The following CD2AP variants were observed in gnomAD, a reference collection of about 807,000 sequenced individuals.
CD2AP encodes the protein CD2-associated protein.
Under a neutral mutation model 85.1 loss-of-function variants are expected in CD2AP, and 46 were observed. The ratio of observed to expected loss-of-function variants is 0.54; its 90% CI spans 0.43 to 0.69. The LOEUF is 0.69. Ranked by LOEUF, CD2AP falls within the 30% of genes least tolerant of loss-of-function variation. The pLI is 0.00. For missense variants in CD2AP, 769 were observed against 729.5 expected, an observed-to-expected ratio of 1.05 and a Z score of -0.62; for synonymous variants, 255 against 252.9, an observed-to-expected ratio of 1.01 and a Z score of -0.08.
intron 2 of CD2AP, among the ~76,000 whole-genome samples, chr6:47,532,374 TATACACACACACAC>T (rs1434247827): frequency 1.0e-4 from 12 of 118,666 alleles, no homozygotes; most frequent in Non-Finnish European, 2.0e-4. Flanking sequence ...TATATATATG[TATACACACACACAC>T]ACACACACAC....
At chr6:47,572,354 T>G (rs1450810175) in intron 5 of CD2AP, among the ~76,000 whole-genome samples, 1 of 152,232 alleles carries the variant, frequency 6.6e-6, no homozygotes, top group South Asian at 2.1e-4. Context: ...TGTCAAACAT[T>G]ACTGAAATGC....
intron 3 of CD2AP, 22 bp from the exon 4 acceptor site, chr6:47,544,584 C>G (rs773094755): frequency 9.9e-6 from 14 of 1,419,910 alleles, no homozygotes; most frequent in Non-Finnish European, 1.3e-5. Context: ...AATCTAATTT[C>G]TTATTATGTT....
At chr6:47,488,791 T>A (rs1765642500) in intron 1 of CD2AP, among the ~76,000 whole-genome samples, 1 of 151,334 alleles carries the variant, frequency 6.6e-6, no homozygotes, top group African/African-American at 2.4e-5. Flanking sequence ...CTTGGGAGGC[T>A]GAGGTGAGAG....
chr6:47,522,432 T>C (rs748807951), intron 2 of CD2AP, among the ~76,000 whole-genome samples: 2 of 152,206 alleles, frequency 1.3e-5, no homozygotes, highest in South Asian at 2.1e-4. Context: ...GTTACTGTTA[T>C]AATGTTTTTA....
intron 4 of CD2AP, chr6:47,544,980 A>G (rs942503586): frequency 9.9e-5 from 29 of 294,114 alleles, no homozygotes; most frequent in African/African-American, 3.9e-4. Flanking sequence ...TGAATTTACC[A>G]TAGGCAAAAA....
At chr6:47,502,825 G>C (rs868280338) in intron 1 of CD2AP, among the ~76,000 whole-genome samples, 1 of 151,972 alleles carries the variant, frequency 6.6e-6, no homozygotes, top group Non-Finnish European at 1.5e-5. Flanking sequence ...TGTCTGCCTC[G>C]GCCTCCCAAA....
chr6:47,566,033 G>T (rs1380195994), intron 5 of CD2AP, among the ~76,000 whole-genome samples: 7 of 151,876 alleles, frequency 4.6e-5, no homozygotes, highest in Non-Finnish European at 1.0e-4. Flanking sequence ...AAGGATGTTA[G>T]GAACATTCCT....
chr6:47,626,932 A>G lies in CD2AP; in HGVS notation c.*2705A>G, dbSNP rs775329134. The G allele has an allele frequency of 4.6e-5, 7 of 152,474 alleles. No individual in the cohort carries two copies. The highest frequency in any genetic ancestry group is 8.8e-5 in the Non-Finnish European group (6 of 67,924). 9.4% of individuals were successfully genotyped at this position (152,474 alleles called of 1,614,324 possible). On this transcript the variant is annotated 3_prime_UTR_variant, in exon 18 of 18. Transcript: ENST00000359314. ...AAATCATATTTTAAAAGTTGCTGCT[A>G]TGAATATTTTTGGCTATAAAATTTT...
chr6:47,581,581 C>CT (rs1407032562), intron 10 of CD2AP, among the ~76,000 whole-genome samples: 1 of 152,054 alleles, frequency 6.6e-6, no homozygotes, highest in Non-Finnish European at 1.5e-5. Flanking sequence ...TTTTATATAG[C>CT]TTTACTCTTC....
intron 5 of CD2AP, among the ~76,000 whole-genome samples, chr6:47,559,367 T>G (rs1767788685): frequency 6.6e-6 from 1 of 151,906 alleles, no homozygotes; most frequent in Non-Finnish European, 1.5e-5. Context: ...CAAGTGATCC[T>G]TCTGCCTCAG....
chr6:47,497,703 A>G (rs554204855), intron 1 of CD2AP, among the ~76,000 whole-genome samples: 1 of 152,266 alleles, frequency 6.6e-6, no homozygotes, highest in African/African-American at 2.4e-5. Flanking sequence ...TGTGAGCTGC[A>G]ACTGCACCCG....
chr6:47,484,980 C>T (rs752226385), intron 1 of CD2AP, among the ~76,000 whole-genome samples: 1 of 152,116 alleles, frequency 6.6e-6, no homozygotes, highest in Non-Finnish European at 1.5e-5. Flanking sequence ...GTAGCCATCC[C>T]ACACTATAGT....
At position 47,624,536 on chromosome 6, in the gene CD2AP, T is replaced by C; in HGVS notation, c.*309T>C. 3.2e-6 allele frequency: 1 copy of C among 308,468 alleles called. No individual in the cohort carries two copies. Among genetic ancestry groups the C allele is most frequent in the Non-Finnish European group, 6.0e-6 (1 of 165,590 alleles). The allele number at this position is 308,468 out of a possible 1,614,324, so 19.1% of individuals were successfully genotyped here. A position where few individuals can be genotyped will look rare whatever the true frequency, so the allele number is the denominator to read the frequency against. On this transcript the variant is annotated 3_prime_UTR_variant, in exon 18 of 18. Transcript: ENST00000359314. Reference sequence around the variant, plus strand: ...ACAGTAGTTTTTTTATTGAAACTTGTATTATTTTTAAAGAGATCTATACTA... The same window carrying C: ...ACAGTAGTTTTTTTATTGAAACTTGCATTATTTTTAAAGAGATCTATACTA...
intron 1 of CD2AP, among the ~76,000 whole-genome samples, chr6:47,487,831 A>T (rs1428900224): frequency 6.6e-6 from 1 of 152,142 alleles, no homozygotes; most frequent in African/African-American, 2.4e-5. Flanking sequence ...TAACACTTGT[A>T]TTGACTAGCA....
chr6:47,562,327 G>GA (rs991403655), intron 5 of CD2AP, among the ~76,000 whole-genome samples: 28 of 151,956 alleles, frequency 1.8e-4, no homozygotes, highest in Admixed American at 7.2e-4. Flanking sequence ...AAAGTGACAG[G>GA]AAAAAATGTT....
At chr6:47,553,597 C>T (rs925946513) in intron 4 of CD2AP, among the ~76,000 whole-genome samples, 2 of 149,966 alleles carry the variant, frequency 1.3e-5, no homozygotes, top group Non-Finnish European at 3.0e-5. Context: ...AACTCCTGAC[C>T]TCAGGTGATC....
intron 6 of CD2AP, among the ~76,000 whole-genome samples, chr6:47,574,718 A>T (rs1768257128): frequency 6.6e-6 from 1 of 151,958 alleles, no homozygotes; most frequent in African/African-American, 2.4e-5. Context: ...AACATTCATT[A>T]AATTTACTAA....
At chr6:47,616,279 A>T (rs1054665974) in intron 17 of CD2AP, among the ~76,000 whole-genome samples, 3 of 151,396 alleles carry the variant, frequency 2.0e-5, no homozygotes, top group Non-Finnish European at 4.4e-5. Flanking sequence ...TTTTTAACAG[A>T]GATGGGGTTT....
chr6:47,526,648 A>G (rs945351044), intron 2 of CD2AP, among the ~76,000 whole-genome samples: 1 of 152,180 alleles, frequency 6.6e-6, no homozygotes, highest in East Asian at 1.9e-4. Context: ...CAATGGAACC[A>G]GGATTTGTAT....
Sources: gnomAD v4.1 joint callset for allele counts (sites outside exome capture counted in the v4.1 genomes callset) on GRCh38, gnomAD v4.1.1 for gene constraint, MANE v1.5 for transcripts, NCBI Gene and HGNC (gene_info 2026-07-23, HGNC 2026-07-21) for gene names.